The following NPTN variants were observed in gnomAD, a reference collection of about 807,000 sequenced individuals.
The protein encoded by NPTN is neuroplastin, also known as SDR-1.
A neutral mutation model predicts 42.7 loss-of-function variants in NPTN; 5 were observed. The observed-to-expected ratio is 0.12, with a 90% CI of 0.06 to 0.25. NPTN has a LOEUF of 0.25. NPTN is among the 10% of genes least tolerant of loss of function. The pLI is 1.00. For missense variants in NPTN, 307 were observed against 525.4 expected (o/e 0.58, Z 4.06); for synonymous variants, 180 against 201.9 (o/e 0.89, Z 0.92).
At chr15:73,619,314 G>A (rs759524143) in intron 1 of NPTN, among the ~76,000 whole-genome samples, 2 of 152,080 alleles carry the variant, frequency 1.3e-5, no homozygotes, top group African/African-American at 2.4e-5. Flanking sequence ...AGCTATGTAC[G>A]TCTCTACAAA....
chr15:73,633,260 C>T lies in NPTN; in HGVS notation c.-45G>A. ...AACAGCGAATGGGCCGGGGCCAGAG[C>T]CGGGGCCGGGGAAGGGAGGGGAGGG... is the stretch of plus-strand genomic sequence containing the variant. On this transcript the variant is annotated 5_prime_UTR_variant, in exon 1 of 9. Coordinates refer to ENST00000345330, the MANE Select transcript of NPTN (RefSeq NM_012428.4). 3 of 988,718 alleles carry T rather than the reference C, an allele frequency of 3.0e-6. No individual in the cohort carries two copies. Among genetic ancestry groups the T allele is most frequent in the Non-Finnish European group, 4.4e-6 (3 of 683,658 alleles). 61.2% of individuals were successfully genotyped at this position (988,718 alleles called of 1,614,324 possible). A position where few individuals can be genotyped will look rare whatever the true frequency, so the allele number is the denominator to read the frequency against.
intron 8 of NPTN, among the ~76,000 whole-genome samples, chr15:73,561,502 A>G (rs910623283): frequency 6.6e-6 from 1 of 152,166 alleles, no homozygotes; most frequent in East Asian, 1.9e-4. Context: ...CAACATGATG[A>G]AACCCCGTCT....
chr15:73,625,519 GA>G (rs897944277), intron 1 of NPTN, among the ~76,000 whole-genome samples: 37 of 152,240 alleles, frequency 2.4e-4, no homozygotes, highest in African/African-American at 8.4e-4. Flanking sequence ...TTTTGGTAGA[GA>G]TGGGGTTTCA....
intron 6 of NPTN, among the ~76,000 whole-genome samples, chr15:73,564,649 G>C (rs915118872): frequency 2.0e-5 from 3 of 152,130 alleles, no homozygotes; most frequent in African/African-American, 7.2e-5. Flanking sequence ...TGCTGTGTAT[G>C]CAGTGGAGAG....
At chr15:73,604,863 T>C (rs1478758577) in intron 1 of NPTN, among the ~76,000 whole-genome samples, 3 of 152,144 alleles carry the variant, frequency 2.0e-5, no homozygotes, top group Admixed American at 6.5e-5. Context: ...CAGTGGCTCA[T>C]GCCTGTAATC....
chr15:73,611,846 G>A (rs185460960), intron 1 of NPTN, among the ~76,000 whole-genome samples: 1 of 152,044 alleles, frequency 6.6e-6, no homozygotes, highest in African/African-American at 2.4e-5. Context: ...ATGTGTGTGG[G>A]GACAGGGGGT....
At chr15:73,581,549 G>T (rs929146618) in intron 4 of NPTN, among the ~76,000 whole-genome samples, 1 of 152,014 alleles carries the variant, frequency 6.6e-6, no homozygotes, top group Non-Finnish European at 1.5e-5. Context: ...GCAACACAGG[G>T]GTCCCAAAAG....
chr15:73,583,436 G>A (rs568770621), intron 4 of NPTN, among the ~76,000 whole-genome samples: 2 of 152,148 alleles, frequency 1.3e-5, no homozygotes, highest in African/African-American at 2.4e-5. Flanking sequence ...GGAAAGTAGA[G>A]ATAATAATTG....
intron 6 of NPTN, among the ~76,000 whole-genome samples, chr15:73,566,164 G>C (rs185610474): frequency 9.3e-4 from 141 of 152,286 alleles, no homozygotes; most frequent in African/African-American, 3.2e-3. Context: ...ATGGCCCCTA[G>C]TTAACAGACC....
rs1047458466 is a variant in NPTN, at chr15:73,603,279, A to G, written c.92-5910T>C. On this transcript the variant is annotated intron_variant, in intron 1 of 8. Coordinates refer to ENST00000345330, the MANE Select transcript of NPTN (RefSeq NM_012428.4). ...GCTATTATTATATGTCTCCATAGAA[A>G]TAAGTGCTAAACAGGCCACGGGCAG... Among the ~76,000 whole-genome samples the G allele has an allele frequency of 7.2e-5, 11 of 152,348 alleles. No homozygotes were observed. In the South Asian group the frequency reaches 1.2e-3, roughly 17 times the overall value.
chr15:73,584,664 A>G (rs1896225656), intron 4 of NPTN, among the ~76,000 whole-genome samples: 1 of 150,468 alleles, frequency 6.6e-6, no homozygotes, highest in Admixed American at 6.7e-5. Flanking sequence ...GCCCTGCTCC[A>G]TCTTCCTTCT....
intron 1 of NPTN, among the ~76,000 whole-genome samples, chr15:73,624,528 T>C (rs917498436): frequency 3.3e-5 from 5 of 152,220 alleles, no homozygotes; most frequent in African/African-American, 1.2e-4. Flanking sequence ...TCTATGAATT[T>C]AGAAGTTTTT....
At chr15:73,563,108 TC>T (rs2141346773) in intron 7 of NPTN, 127 bp downstream of exon 7, 2 of 699,234 alleles carry the variant, frequency 2.9e-6, no homozygotes, top group South Asian at 3.5e-5. Context: ...AGCTAAGAAA[TC>T]TACACTGCAA....
intron 4 of NPTN, among the ~76,000 whole-genome samples, chr15:73,581,898 G>A (rs150613760): frequency 4.6e-5 from 7 of 151,894 alleles, no homozygotes; most frequent in East Asian, 1.9e-4. Flanking sequence ...GCAGCAGCGC[G>A]ATCTCAGCTC....
chr15:73,579,107 C>T (rs1055070014), intron 4 of NPTN, among the ~76,000 whole-genome samples: 14 of 150,440 alleles, frequency 9.3e-5, no homozygotes, highest in East Asian at 3.9e-4. Flanking sequence ...GGTGAAACCC[C>T]GTCTCTACTA....
intron 1 of NPTN, among the ~76,000 whole-genome samples, chr15:73,625,972 A>G (rs7178806): frequency 0.11 from 16,498 of 152,258 alleles, 1,161 homozygotes; most frequent in African/African-American, 0.2. Flanking sequence ...TTTCTAAGGA[A>G]TAACAATCAA....
rs60419012 is a variant in NPTN at position 73,624,946 on chromosome 15, C to T, written c.91+8179G>A. ...CTAAAGTTCTAAAAGGAAAAAAAAT[C>T]GCTATATATAATGGCTAATGTATAA... On this transcript the variant is annotated intron_variant, in intron 1 of 8. Transcript: ENST00000345330. Among the ~76,000 whole-genome samples, 11 of 152,144 alleles carry T rather than the reference C, an allele frequency of 7.2e-5. No individual in the cohort carries two copies. In the East Asian group the frequency reaches 1.2e-3, roughly 16 times the overall value.
At chr15:73,568,893 G>A in intron 6 of NPTN, 1 of 985,500 alleles carries the variant, frequency 1.0e-6, no homozygotes, top group African/African-American at 1.7e-5. Flanking sequence ...GAAAAGATGG[G>A]GAAGGGGCTG....
intron 1 of NPTN, among the ~76,000 whole-genome samples, chr15:73,620,151 T>G (rs987361968): frequency 3.3e-5 from 5 of 152,374 alleles, no homozygotes; most frequent in African/African-American, 1.2e-4. Flanking sequence ...AATCCAACTT[T>G]CAGTGTTTTC....
Sources: gnomAD v4.1 joint callset for allele counts (sites outside exome capture counted in the v4.1 genomes callset) on GRCh38, gnomAD v4.1.1 for gene constraint, MANE v1.5 for transcripts, NCBI Gene and HGNC (gene_info 2026-07-23, HGNC 2026-07-21) for gene names.